The following SLMAP variants were observed in gnomAD, a reference collection of about 807,000 sequenced individuals.
SLMAP encodes sarcolemma associated protein.
In SLMAP, 44 loss-of-function variants were observed where a neutral mutation model predicts 128.8. The observed-to-expected ratio is 0.34, with a 90% CI of 0.27 to 0.44. The LOEUF is 0.44. Among genes scored for constraint, SLMAP ranks in the 20% least tolerant of loss-of-function variants. SLMAP has a pLI of 1.00. For synonymous variants in SLMAP, 327 were observed against 348.8 expected (o/e 0.94, Z 0.70); for missense variants, 787 against 985.3 (o/e 0.80, Z 2.69).
intron 18 of SLMAP, among the ~76,000 whole-genome samples, chr3:57,908,873 T>A (rs1388374484): frequency 6.6e-6 from 1 of 152,228 alleles, no homozygotes; most frequent in Non-Finnish European, 1.5e-5. Context: ...ACTACTCAGT[T>A]GAATAGATTT....
chr3:57,848,179 C>T (rs1289195168), intron 5 of SLMAP, among the ~76,000 whole-genome samples: 1 of 147,358 alleles, frequency 6.8e-6, no homozygotes, highest in South Asian at 2.1e-4. Context: ...TGCTCCTGCT[C>T]CTCCTCCTCC....
chr3:57,890,949 G>T (rs1484940182), intron 15 of SLMAP: 1 of 152,048 alleles, frequency 6.6e-6, no homozygotes, highest in Admixed American at 6.6e-5. Flanking sequence ...CAAATATCTC[G>T]TGGTTTCCAT....
chr3:57,811,266 G>A (rs2090928031), intron 2 of SLMAP, among the ~76,000 whole-genome samples: 1 of 151,910 alleles, frequency 6.6e-6, no homozygotes, highest in Non-Finnish European at 1.5e-5. Context: ...TCCAGTCCCT[G>A]CCAGACTCCA....
intron 2 of SLMAP, among the ~76,000 whole-genome samples, chr3:57,815,627 C>T (rs899042955): frequency 1.3e-5 from 2 of 151,690 alleles, no homozygotes; most frequent in Non-Finnish European, 2.9e-5. Context: ...TGTTACTGAT[C>T]TATTTATATC....
chr3:57,817,337 G>A (rs2091977723), intron 2 of SLMAP, among the ~76,000 whole-genome samples: 8 of 152,084 alleles, frequency 5.3e-5, no homozygotes, highest in Admixed American at 5.2e-4. Context: ...CCGTTATTAT[G>A]CACTTACTGT....
intron 2 of SLMAP, among the ~76,000 whole-genome samples, chr3:57,787,271 G>T (rs959999753): frequency 1.3e-5 from 2 of 152,050 alleles, no homozygotes; most frequent in African/African-American, 4.8e-5. Flanking sequence ...CTCTGACATC[G>T]AGTTATGAGG....
intron 22 of SLMAP, 113 bp downstream of exon 22, chr3:57,917,190 C>T (rs1559558001): frequency 1.3e-6 from 2 of 1,551,836 alleles, no homozygotes; most frequent in Admixed American, 3.9e-5. Context: ...TTACCTGTCA[C>T]AAAATTGATA....
intron 9 of SLMAP, 67 bp downstream of exon 9, chr3:57,860,906 G>C: frequency 7.5e-7 from 1 of 1,325,282 alleles, no homozygotes; most frequent in South Asian, 1.4e-5. Context: ...AAGCATTCCA[G>C]GATACTTTAA....
intron 13 of SLMAP, among the ~76,000 whole-genome samples, chr3:57,871,321 A>T (rs1343569542): frequency 6.6e-6 from 1 of 152,180 alleles, no homozygotes; most frequent in African/African-American, 2.4e-5. Context: ...ACAAACTTAA[A>T]TTATTTAAGG....
chr3:57,810,358 T>C (rs1211297300), intron 2 of SLMAP, among the ~76,000 whole-genome samples: 5 of 152,158 alleles, frequency 3.3e-5, no homozygotes, highest in African/African-American at 1.2e-4. Context: ...GAGTGCAGCC[T>C]GCCAGCCCAA....
intron 6 of SLMAP, among the ~76,000 whole-genome samples, chr3:57,855,730 A>C (rs1382322561): frequency 6.6e-6 from 1 of 150,638 alleles, no homozygotes; most frequent in Non-Finnish European, 1.5e-5. Context: ...AAAAAACAAA[A>C]AAAAAAACTT....
At chr3:57,786,680 C>T (rs2084209930) in intron 2 of SLMAP, among the ~76,000 whole-genome samples, 1 of 150,950 alleles carries the variant, frequency 6.6e-6, no homozygotes, top group African/African-American at 2.4e-5. Context: ...CCTCAGTCTC[C>T]TGAGTAGCTG....
At chr3:57,825,248 A>G (rs1185190961) in intron 2 of SLMAP, among the ~76,000 whole-genome samples, 1 of 149,658 alleles carries the variant, frequency 6.7e-6, no homozygotes, top group Non-Finnish European at 1.5e-5. Context: ...TATTCTTTCT[A>G]GACAAGAAAC....
intron 2 of SLMAP, among the ~76,000 whole-genome samples, chr3:57,787,028 A>G (rs541533598): frequency 3.1e-4 from 47 of 152,070 alleles, no homozygotes; most frequent in African/African-American, 1.0e-3. Context: ...GAGCCACCGC[A>G]CCCTGCCGAA....
intron 15 of SLMAP, chr3:57,896,256 G>C: frequency 2.6e-6 from 3 of 1,161,162 alleles, no homozygotes; most frequent in Non-Finnish European, 3.2e-6. Flanking sequence ...GTTGGCAAGT[G>C]GACAGCCTTG....
rs555993708 is a variant in SLMAP, at chr3:57,784,404, C to T, written c.198+26555C>T. On this transcript the variant is annotated intron_variant, in intron 2 of 24. Coordinates refer to ENST00000671191, the MANE Select transcript of SLMAP (RefSeq NM_001377540.1). Reference sequence around the variant, plus strand: ...ACATGGCGTCAAAGGAGATTCTTCTCCAGCTTTAAGACTTATTGTTGTTTT... The same window carrying T: ...ACATGGCGTCAAAGGAGATTCTTCTTCAGCTTTAAGACTTATTGTTGTTTT... Among the ~76,000 whole-genome samples the T allele has an allele frequency of 3.3e-5, 5 of 152,284 alleles. No individual in the cohort carries two copies. In the South Asian group the frequency reaches 6.2e-4, roughly 19 times the overall value.
intron 2 of SLMAP, among the ~76,000 whole-genome samples, chr3:57,787,539 C>A (rs2084479719): frequency 6.6e-6 from 1 of 152,162 alleles, no homozygotes. Context: ...TGCAGTGGCG[C>A]AATCTCCGCT....
At chr3:57,809,824 C>T (rs1038296726) in intron 2 of SLMAP, among the ~76,000 whole-genome samples, 1 of 152,222 alleles carries the variant, frequency 6.6e-6, no homozygotes. Context: ...AGGGCCTCCT[C>T]TGAGCTACTC....
chr3:57,812,036 T>C (rs2091072368), intron 2 of SLMAP, among the ~76,000 whole-genome samples: 1 of 152,230 alleles, frequency 6.6e-6, no homozygotes, highest in Non-Finnish European at 1.5e-5. Context: ...GCCTTTTTAC[T>C]CTGTTGATAG....
Sources: allele counts gnomAD v4.1 joint callset (sites outside exome capture counted in the v4.1 genomes callset), GRCh38; gene constraint gnomAD v4.1.1; transcripts MANE v1.5; gene names NCBI Gene and HGNC (gene_info 2026-07-23, HGNC 2026-07-21).